Variants in ADAMTS20 observed in about 807,000 individuals in gnomAD.
ADAMTS20 encodes the protein ADAM metallopeptidase with thrombospondin type 1 motif 20, also known as A disintegrin and metalloproteinase with thrombospondin motifs 20.
In ADAMTS20, 225 loss-of-function variants were observed where a neutral mutation model predicts 260.1. That is an observed-to-expected ratio of 0.87 (90% CI 0.78 to 0.97). The LOEUF (loss-of-function observed/expected upper bound fraction) is 0.97, where lower values mean the gene tolerates loss of function less well. Ranked by LOEUF, ADAMTS20 falls within the 50% of genes least tolerant of loss-of-function variation. The probability of loss-of-function intolerance (pLI) is 0.00; values close to 1 mark genes in which losing one functional copy is unlikely to be tolerated. For synonymous variants in ADAMTS20, 802 were observed against 769.5 expected, an observed-to-expected ratio of 1.04 and a Z score of -0.70; for missense variants, 2,400 against 2,337.7, an observed-to-expected ratio of 1.03 and a Z score of -0.55.
chr12:43,425,433 A>G (rs887480763), intron 28 of ADAMTS20, 81 bp downstream of exon 28: 14 of 1,225,052 alleles, frequency 1.1e-5, no homozygotes, highest in Non-Finnish European at 1.1e-5. Flanking sequence ...AAAGTCGAAG[A>G]AAAGAAAAAC....
chr12:43,498,096 A>T (rs983120507), intron 4 of ADAMTS20, among the ~76,000 whole-genome samples: 2 of 152,168 alleles, frequency 1.3e-5, no homozygotes, highest in African/African-American at 4.8e-5. Context: ...ATAACAGCTG[A>T]GTATCTCTGC....
intron 15 of ADAMTS20, among the ~76,000 whole-genome samples, chr12:43,444,851 C>T (rs1479401692): frequency 6.6e-6 from 1 of 152,060 alleles, no homozygotes; most frequent in Admixed American, 6.6e-5. Flanking sequence ...AATTTACAAC[C>T]CTAATGTCAG....
At chr12:43,490,946 C>T (rs1055513935) in intron 6 of ADAMTS20, among the ~76,000 whole-genome samples, 2 of 151,970 alleles carry the variant, frequency 1.3e-5, no homozygotes, top group African/African-American at 4.8e-5. Context: ...TCTGCTATCT[C>T]CAATCTCTCC....
chr12:43,435,523 C>T (rs369192665), intron 18 of ADAMTS20, among the ~76,000 whole-genome samples: 2 of 151,348 alleles, frequency 1.3e-5, no homozygotes, highest in Non-Finnish European at 2.9e-5. Flanking sequence ...CCTGTAGTCC[C>T]AGCTACTCGG....
intron 28 of ADAMTS20, among the ~76,000 whole-genome samples, chr12:43,409,321 G>A (rs1180011838): frequency 6.6e-6 from 1 of 151,724 alleles, no homozygotes; most frequent in East Asian, 1.9e-4. Flanking sequence ...AAGAAAATTA[G>A]GCCAGGCGCG....
chr12:43,540,831 T>C lies in ADAMTS20; in HGVS notation c.454-8636A>G, dbSNP rs188526976. 2.0e-5 allele frequency among the ~76,000 whole-genome samples: 3 copies of C among 152,328 alleles called. No individual in the cohort carries two copies. In the East Asian group the frequency reaches 5.8e-4, roughly 29 times the overall value. On this transcript the variant is annotated intron_variant, in intron 2 of 38. Transcript: ENST00000389420. Reference sequence around the variant, plus strand: ...GGGTAGGAGTTTCTTGATTACTTGATGATCTTCTATTTGCCAAGCTGTTTT... The same window carrying C: ...GGGTAGGAGTTTCTTGATTACTTGACGATCTTCTATTTGCCAAGCTGTTTT...
At chr12:43,411,455 C>T (rs1261841648) in intron 28 of ADAMTS20, among the ~76,000 whole-genome samples, 1 of 152,130 alleles carries the variant, frequency 6.6e-6, no homozygotes, top group Non-Finnish European at 1.5e-5. Context: ...GCAACGTGTG[C>T]CTCCCGAGTT....
intron 9 of ADAMTS20, among the ~76,000 whole-genome samples, chr12:43,465,180 A>C (rs1323917584): frequency 6.6e-6 from 1 of 152,106 alleles, no homozygotes; most frequent in Non-Finnish European, 1.5e-5. Flanking sequence ...CAACAACAAC[A>C]ACAAAGAAGC....
intron 37 of ADAMTS20, among the ~76,000 whole-genome samples, chr12:43,360,897 C>G (rs763172108): frequency 2.0e-5 from 3 of 152,174 alleles, no homozygotes; most frequent in Non-Finnish European, 4.4e-5. Flanking sequence ...TGGATGCTGG[C>G]CAAGACCCAC....
intron 18 of ADAMTS20, among the ~76,000 whole-genome samples, chr12:43,436,897 A>G (rs1353386179): frequency 1.3e-4 from 20 of 152,194 alleles, no homozygotes. Context: ...AACTGACAAT[A>G]ACATTTGAGA....
At chr12:43,452,164 C>T in intron 14 of ADAMTS20, 110 bp downstream of exon 14, 1 of 1,168,106 alleles carries the variant, frequency 8.6e-7, no homozygotes, top group Non-Finnish European at 1.2e-6. Flanking sequence ...TGTTGGAATG[C>T]ATAAGAACAT....
At chr12:43,469,426 T>C (rs1287324993) in intron 7 of ADAMTS20, among the ~76,000 whole-genome samples, 2 of 152,154 alleles carry the variant, frequency 1.3e-5, no homozygotes, top group Non-Finnish European at 1.5e-5. Context: ...AATTATCATA[T>C]ATGCAGTCCT....
chr12:43,447,363 A>G (rs920220647), intron 14 of ADAMTS20, among the ~76,000 whole-genome samples: 1 of 152,204 alleles, frequency 6.6e-6, no homozygotes, highest in Non-Finnish European at 1.5e-5. Context: ...AATGCAATTC[A>G]TCACATAAAC....
At chr12:43,370,394 A>C (rs1047217062) in intron 36 of ADAMTS20, among the ~76,000 whole-genome samples, 2 of 152,198 alleles carry the variant, frequency 1.3e-5, no homozygotes, top group African/African-American at 4.8e-5. Context: ...TGACACCACA[A>C]ATCAGACTTT....
chr12:43,550,686 A>G (rs1207246316), intron 2 of ADAMTS20, among the ~76,000 whole-genome samples: 2 of 152,132 alleles, frequency 1.3e-5, no homozygotes, highest in Non-Finnish European at 2.9e-5. Context: ...ATCTTTCATC[A>G]GCGTTGCACA....
intron 27 of ADAMTS20, 112 bp downstream of exon 27, chr12:43,427,196 C>A (rs961684960): frequency 2.2e-5 from 28 of 1,247,424 alleles, no homozygotes; most frequent in Middle Eastern, 4.7e-4. Context: ...AACAAAAATT[C>A]TTTTTCTACA....
At chr12:43,431,563 C>T (rs1171675754) in intron 21 of ADAMTS20, 67 bp from the exon 22 acceptor site, 59 of 1,538,092 alleles carry the variant, frequency 3.8e-5, no homozygotes, top group Non-Finnish European at 5.1e-5. Context: ...TAAACTGATG[C>T]AATGATCAAT....
At chr12:43,414,693 A>T (rs752517820) in intron 28 of ADAMTS20, among the ~76,000 whole-genome samples, 20 of 152,122 alleles carry the variant, frequency 1.3e-4, no homozygotes, top group Admixed American at 4.6e-4. Flanking sequence ...TCAAGTGTTG[A>T]CAAGGATTTG....
chr12:43,517,962 A>G (rs1239540084), intron 3 of ADAMTS20, among the ~76,000 whole-genome samples: 1 of 152,112 alleles, frequency 6.6e-6, no homozygotes, highest in East Asian at 1.9e-4. Flanking sequence ...TTTTACTAAC[A>G]TTGCTATTGA....
Sources: gnomAD v4.1 joint callset for allele counts (sites outside exome capture counted in the v4.1 genomes callset) on GRCh38, gnomAD v4.1.1 for gene constraint, MANE v1.5 for transcripts, NCBI Gene and HGNC (gene_info 2026-07-23, HGNC 2026-07-21) for gene names.